UPF3A: variants seen among roughly 807,000 people sequenced by gnomAD.
The protein encoded by UPF3A is regulator of nonsense transcripts 3A.
UPF3A carries 42 observed loss-of-function variants against 53.5 expected under a neutral mutation model. That is an observed-to-expected ratio of 0.78 (90% CI 0.61 to 1.01). The LOEUF (loss-of-function observed/expected upper bound fraction) is 1.01, where lower values mean the gene tolerates loss of function less well. Ranked by LOEUF, UPF3A falls within the 50% of genes least tolerant of loss-of-function variation. The pLI is 0.00. For synonymous variants in UPF3A, 237 were observed against 225.3 expected, an observed-to-expected ratio of 1.05 and a Z score of -0.47; for missense variants, 575 against 598.0, an observed-to-expected ratio of 0.96 and a Z score of 0.40.
Position 114,301,783 on chromosome 13 carries a change from C to A in UPF3A, c.1060C>A (p.Gln354Lys). 1 of 1,613,930 alleles carries A rather than the reference C, an allele frequency of 6.2e-7. No homozygotes were observed. Among genetic ancestry groups the A allele is most frequent in the South Asian group, 1.1e-5 (1 of 91,080 alleles). ...CAGGGATGTGGAGAGATCTCAAGAA[C>A]AAGAATCTGAAGCACAAAGATACCA... is the stretch of plus-strand genomic sequence containing the variant. ...EHRDVERSQE[Q>K]ESEAQRYHVD... The change falls in exon 9 of 10, where the codon CAA (glutamine) becomes AAA (lysine). Residue 354 changes from glutamine to lysine, a missense_variant. Transcript: ENST00000375299.
In UPF3A at chr13:114,305,521, CG is replaced by C. The variant is rs927423524; in HGVS notation, c.*606del. On this transcript the variant is annotated 3_prime_UTR_variant, in exon 10 of 10. Coordinates refer to ENST00000375299, the MANE Select transcript of UPF3A (RefSeq NM_023011.4). ...AGTTTTGCCACTGACCGGATAGAAA[CG>C]GTTTCAGTCTCTGGATGGATGTGTT... is the stretch of plus-strand genomic sequence containing the variant. The C allele has an allele frequency of 1.3e-5, 2 of 157,080 alleles. No individual in the cohort carries two copies. The highest frequency in any genetic ancestry group is 2.8e-5 in the Non-Finnish European group (2 of 70,618). The allele number at this position is 157,080 out of a possible 1,614,324, so 9.7% of individuals were successfully genotyped here.
intron 3 of UPF3A, chr13:114,285,948 A>G (rs1037462662): frequency 6.4e-5 from 14 of 218,976 alleles, no homozygotes; most frequent in Admixed American, 5.7e-4. Flanking sequence ...TAAGTTACAT[A>G]TGGTAAAAGT....
chr13:114,283,059 G>A (rs934401804), intron 3 of UPF3A, 116 bp downstream of exon 3: 1 of 828,094 alleles, frequency 1.2e-6, no homozygotes, highest in Non-Finnish European at 1.8e-6. Context: ...GTCTTGCTCT[G>A]TTGCCCAGGC....
At position 114,286,615 on chromosome 13, in the gene UPF3A, C is replaced by CA. The variant is rs763626872; in HGVS notation, c.619dup (p.Arg207LysfsTer6). On this transcript the variant is annotated frameshift_variant, in exon 5 of 10. Transcript: ENST00000375299. LOFTEE classifies it high-confidence loss of function. Reference sequence around the variant, plus strand: ...CTGCTGGGGGAGATGGAGGCGAAGACAAGAGAGCTCATTGGTCTGTTTTGC... The same window carrying CA: ...CTGCTGGGGGAGATGGAGGCGAAGACAAAGAGAGCTCATTGGTCTGTTTTGC... The CA allele has an allele frequency of 7.4e-6, 12 of 1,612,872 alleles. No homozygotes were observed. Among genetic ancestry groups the CA allele is most frequent in the Non-Finnish European group, 1.0e-5 (12 of 1,179,388 alleles).
At chr13:114,287,091 C>T (rs2084768268) in intron 5 of UPF3A, 1 of 158,240 alleles carries the variant, frequency 6.3e-6, no homozygotes, top group South Asian at 1.8e-4. Context: ...AGCCAGAGCA[C>T]AGAATCGAGT....
At chr13:114,283,289 G>T in intron 3 of UPF3A, 1 of 172,170 alleles carries the variant, frequency 5.8e-6, no homozygotes, top group Admixed American at 6.1e-5. Context: ...CAAAGTGCTG[G>T]GATTACAGGC....
In UPF3A at chr13:114,281,669, C is replaced by T; in HGVS notation, c.30C>T (p.Gly10=). 2 of 1,526,420 alleles carry T rather than the reference C, an allele frequency of 1.3e-6. No individual in the cohort carries two copies. The highest frequency in any genetic ancestry group is 1.2e-5 in the South Asian group (1 of 82,368). 94.6% of individuals were successfully genotyped at this position (1,526,420 alleles called of 1,614,324 possible). A position where few individuals can be genotyped will look rare whatever the true frequency, so the allele number is the denominator to read the frequency against. MRSEKEGAG[G]LRAAVAARGP... ...GCTCGGAAAAGGAGGGGGCCGGAGG[C>T]CTTCGGGCGGCCGTTGCCGCGCGGG... The change falls in exon 1 of 10, where the codon GGC becomes GGT. Residue 10 remains glycine (G), a synonymous_variant. Coordinates refer to ENST00000375299, the MANE Select transcript of UPF3A (RefSeq NM_023011.4).
chr13:114,298,582 TTTTA>T, intron 7 of UPF3A, among the ~76,000 whole-genome samples: 1 of 152,150 alleles, frequency 6.6e-6, no homozygotes, highest in Non-Finnish European at 1.5e-5. Context: ...ATGTTCTGTT[TTTTA>T]GCCCTTTATT....
In UPF3A at chr13:114,291,528, G is replaced by A; in HGVS notation, c.671G>A (p.Arg224Lys). 1 of 1,609,192 alleles carries A rather than the reference G, an allele frequency of 6.2e-7. No homozygotes were observed. The highest frequency in any genetic ancestry group is 8.5e-7 in the Non-Finnish European group (1 of 1,178,834). Reference protein sequence around the residue: ...TTPLLEYIKNRKLEKQRIREE... With the variant: ...TTPLLEYIKNKKLEKQRIREE... ...CCTCTTTTGGAATATATTAAAAATA[G>A]AAAATTAGAAAAGCAGGTAGGTCTG... Residue 224 changes from arginine to lysine, a missense_variant, in exon 6 of 10, where the codon AGA becomes AAA. Coordinates refer to ENST00000375299, the MANE Select transcript of UPF3A (RefSeq NM_023011.4).
rs367909816 is a variant in UPF3A, at chr13:114,301,755, G to C, written c.1032G>C (p.Glu344Asp). The change falls in exon 9 of 10, where the codon GAG becomes GAC. Residue 344 changes from glutamate to aspartate, a missense_variant. Glu to Asp is a conservative substitution (Grantham distance 45). Around this residue, in one of 2 missense-constraint regions of UPF3A, gnomAD observed 323 missense variants for 415.2 expected, o/e 0.78. Transcript: ENST00000375299. ...GGTCACACAGCGGCAGTGATAAAGA[G>C]CACAGGGATGTGGAGAGATCTCAAG... ...QETSHSGSDK[E>D]HRDVERSQEQ... 2 of 1,613,680 alleles carry C rather than the reference G, an allele frequency of 1.2e-6. No individual in the cohort carries two copies. Among genetic ancestry groups the C allele is most frequent in the African/African-American group, 2.7e-5 (2 of 74,918 alleles).
chr13:114,288,044 A>G (rs1313241225), intron 5 of UPF3A, among the ~76,000 whole-genome samples: 1 of 152,200 alleles, frequency 6.6e-6, no homozygotes, highest in Non-Finnish European at 1.5e-5. Flanking sequence ...ATCTCAGATG[A>G]TCCGCCTGCC....
rs141593820 is a variant in UPF3A at position 114,299,902 on chromosome 13, A to C, written c.1007+902A>C. On this transcript the variant is annotated intron_variant, in intron 8 of 9. Coordinates refer to ENST00000375299, the MANE Select transcript of UPF3A (RefSeq NM_023011.4). Reference sequence around the variant, plus strand: ...TAGGCTGCCGGCTTCCCAGAGCCATAGTCGTAGGTGTGATTTCTCACTGCC... The same window carrying C: ...TAGGCTGCCGGCTTCCCAGAGCCATCGTCGTAGGTGTGATTTCTCACTGCC... 2.1e-4 allele frequency among the ~76,000 whole-genome samples: 32 copies of C among 152,348 alleles called. No individual in the cohort carries two copies. In the East Asian group the frequency reaches 6.2e-3, roughly 29 times the overall value.
chr13:114,293,340 C>T (rs929185684), intron 7 of UPF3A, among the ~76,000 whole-genome samples: 5 of 151,780 alleles, frequency 3.3e-5, no homozygotes, highest in Admixed American at 6.6e-5. Flanking sequence ...GCCGGGATCG[C>T]GCCACTGCAC....
At chr13:114,287,647 T>C (rs1471890903) in intron 5 of UPF3A, 1 of 152,230 alleles carries the variant, frequency 6.6e-6, no homozygotes, top group Non-Finnish European at 1.5e-5. Flanking sequence ...TTTATTTTCC[T>C]GTCTGTCTCC....
At position 114,286,365 on chromosome 13, in the gene UPF3A, G is replaced by A; in HGVS notation, c.485G>A (p.Arg162Lys). 2 of 1,614,110 alleles carry A rather than the reference G, an allele frequency of 1.2e-6. No homozygotes were observed. Among genetic ancestry groups the A allele is most frequent in the Non-Finnish European group, 1.7e-6 (2 of 1,180,010 alleles). Residue 162 changes from arginine (R) to lysine (K), a missense_variant, in exon 4 of 10, where the codon AGA (arginine) becomes AAA (lysine). Arg to Lys is a conservative substitution (Grantham distance 26). Transcript: ENST00000375299. Reference sequence around the variant, plus strand: ...CAGAAGATAGCCAAAAAGAAGCTGAGAAAAAAAGATGCCAAGACTGGAAGC... The same window carrying A: ...CAGAAGATAGCCAAAAAGAAGCTGAAAAAAAAAGATGCCAAGACTGGAAGC... ...PFQKIAKKKL[R>K]KKDAKTGSIE...
intron 3 of UPF3A, chr13:114,283,749 G>A (rs1382844156): frequency 2.0e-6 from 2 of 985,426 alleles, no homozygotes; most frequent in Admixed American, 6.1e-5. Flanking sequence ...TACTTCTAGG[G>A]TTCTGCTTTC....
At chr13:114,287,778 T>G (rs1264987570) in intron 5 of UPF3A, among the ~76,000 whole-genome samples, 1 of 152,198 alleles carries the variant, frequency 6.6e-6, no homozygotes, top group Non-Finnish European at 1.5e-5. Context: ...AAGATTAATA[T>G]TACTGAAATA....
chr13:114,281,961 G>A (rs1300651663), intron 1 of UPF3A, 60 bp from the exon 2 acceptor site: 10 of 1,474,710 alleles, frequency 6.8e-6, no homozygotes, highest in East Asian at 5.0e-5. Context: ...GGTACGCGGT[G>A]CCTTTTGAGC....
At chr13:114,304,123 C>T (rs947010889) in intron 9 of UPF3A, among the ~76,000 whole-genome samples, 1 of 152,204 alleles carries the variant, frequency 6.6e-6, no homozygotes, top group Non-Finnish European at 1.5e-5. Flanking sequence ...GAGCAGGAGG[C>T]TCACGGAAGC....
Sources: allele counts gnomAD v4.1 joint callset (sites outside exome capture counted in the v4.1 genomes callset), GRCh38; gene constraint gnomAD v4.1.1; regional missense constraint gnomAD v4.1.1; transcripts MANE v1.5; gene names NCBI Gene and HGNC (gene_info 2026-07-23, HGNC 2026-07-21).